Variants in MAP4K4 observed in about 807,000 individuals in gnomAD.
The protein encoded by MAP4K4 is HPK/GCK-like kinase HGK.
MAP4K4 carries 38 observed loss-of-function variants against 189.6 expected under a neutral mutation model. That is an observed-to-expected ratio of 0.20 (90% CI 0.15 to 0.26). MAP4K4 has a LOEUF of 0.26. Among genes scored for constraint, MAP4K4 ranks in the 10% least tolerant of loss-of-function variants. MAP4K4 has a pLI of 1.00. For synonymous variants in MAP4K4, 610 were observed against 624.3 expected (o/e 0.98, Z 0.34); for missense variants, 1,054 against 1,726.9 (o/e 0.61, Z 6.91).
chr2:101,742,678 C>T (rs2063399122), intron 2 of MAP4K4, among the ~76,000 whole-genome samples: 1 of 152,132 alleles, frequency 6.6e-6, no homozygotes, highest in Admixed American at 6.5e-5. Context: ...AGCTGGAGGT[C>T]TTGCTCACAA....
At chr2:101,762,639 C>T (rs539849135) in intron 2 of MAP4K4, among the ~76,000 whole-genome samples, 1 of 152,250 alleles carries the variant, frequency 6.6e-6, no homozygotes, top group Admixed American at 6.5e-5. Flanking sequence ...AGCTCTTTAA[C>T]AAAAGTCTGG....
At chr2:101,811,838 G>A (rs777976844) in intron 3 of MAP4K4, among the ~76,000 whole-genome samples, 7 of 152,146 alleles carry the variant, frequency 4.6e-5, no homozygotes, top group Non-Finnish European at 1.0e-4. Flanking sequence ...GGTAAATTTG[G>A]CAGTTGGTAT....
intron 16 of MAP4K4, among the ~76,000 whole-genome samples, chr2:101,863,400 G>A (rs1411409948): frequency 6.6e-6 from 1 of 152,114 alleles, no homozygotes; most frequent in East Asian, 1.9e-4. Flanking sequence ...GGATGGCTAG[G>A]TAGGTTTGCA....
intron 11 of MAP4K4, 37 bp from the exon 12 acceptor site, chr2:101,844,064 C>T (rs555454666): frequency 1.2e-5 from 18 of 1,448,716 alleles, no homozygotes; most frequent in South Asian, 8.4e-5. Context: ...ACAGTGTGAT[C>T]GGTGCACACC....
chr2:101,880,093 T>G (rs982034589), intron 27 of MAP4K4, among the ~76,000 whole-genome samples: 4 of 152,216 alleles, frequency 2.6e-5, no homozygotes, highest in Non-Finnish European at 5.9e-5. Flanking sequence ...GATCTAAGTT[T>G]CTGATGAGAT....
chr2:101,870,348 T>G (rs368954596), exon 23 of MAP4K4: 6 of 1,613,612 alleles, frequency 3.7e-6, no homozygotes, highest in Non-Finnish European at 5.1e-6. Flanking sequence ...ACCATGATTG[T>G]CCATGATGAT....
intron 2 of MAP4K4, among the ~76,000 whole-genome samples, chr2:101,760,454 A>C (rs1575074793): frequency 1.4e-5 from 2 of 147,034 alleles, no homozygotes; most frequent in African/African-American, 5.0e-5. Flanking sequence ...GTGCCACTGC[A>C]CTCCAGCCTG....
chr2:101,888,048 G>T (rs552946324), intron 31 of MAP4K4, 111 bp downstream of exon 31: 62 of 916,996 alleles, frequency 6.8e-5, no homozygotes, highest in Middle Eastern at 3.0e-4. Context: ...GACTACCATT[G>T]AACAGAGTAG....
intron 2 of MAP4K4, among the ~76,000 whole-genome samples, chr2:101,732,932 A>G (rs958835230): frequency 1.3e-5 from 2 of 152,210 alleles, no homozygotes; most frequent in Non-Finnish European, 1.5e-5. Context: ...AAAGATGGAT[A>G]TGTAGTCTCT....
chr2:101,715,829 A>G (rs2048051808), intron 2 of MAP4K4, among the ~76,000 whole-genome samples: 5 of 152,176 alleles, frequency 3.3e-5, no homozygotes, highest in Admixed American at 1.3e-4. Context: ...GCAGTGGGAA[A>G]GCAATTGAAG....
At chr2:101,804,540 A>G (rs1296074224) in intron 3 of MAP4K4, among the ~76,000 whole-genome samples, 1 of 152,146 alleles carries the variant, frequency 6.6e-6, no homozygotes, top group East Asian at 1.9e-4. Flanking sequence ...AGTCCCCAGC[A>G]TGTCCAGGGG....
intron 6 of MAP4K4, 23 bp from the exon 7 acceptor site, chr2:101,831,698 C>G: frequency 1.3e-6 from 2 of 1,576,092 alleles, no homozygotes; most frequent in Non-Finnish European, 8.6e-7. Flanking sequence ...CTTTCTTTAT[C>G]TGCCTTTTTC....
chr2:101,889,059 G>A (rs2098528610), intron 32 of MAP4K4, 124 bp downstream of exon 32: 7 of 970,974 alleles, frequency 7.2e-6, no homozygotes, highest in Admixed American at 6.4e-5. Context: ...CTTTTTAAAC[G>A]TTGCTTTTTA....
chr2:101,868,874 G>A (rs950572837), intron 21 of MAP4K4, among the ~76,000 whole-genome samples: 3 of 151,702 alleles, frequency 2.0e-5, no homozygotes, highest in Non-Finnish European at 4.4e-5. Flanking sequence ...TAAAATTCTA[G>A]ATCAACAAAT....
intron 25 of MAP4K4, 61 bp from the exon 26 acceptor site, chr2:101,874,021 A>G: frequency 7.1e-7 from 1 of 1,398,610 alleles, no homozygotes; most frequent in East Asian, 2.3e-5. Flanking sequence ...TATACTGGGG[A>G]AGGGAGGCAG....
intron 13 of MAP4K4, among the ~76,000 whole-genome samples, chr2:101,857,285 G>A (rs1486528091): frequency 6.6e-6 from 1 of 151,990 alleles, no homozygotes; most frequent in African/African-American, 2.4e-5. Context: ...GTTTTTCCCT[G>A]TTCTATTGTG....
chr2:101,713,728 C>T (rs2046895225), intron 2 of MAP4K4, among the ~76,000 whole-genome samples: 1 of 150,994 alleles, frequency 6.6e-6, no homozygotes, highest in African/African-American at 2.4e-5. Flanking sequence ...AACCCCGTCT[C>T]TACTAAAAAT....
intron 2 of MAP4K4, among the ~76,000 whole-genome samples, chr2:101,776,443 G>C (rs2084155699): frequency 6.6e-6 from 1 of 151,954 alleles, no homozygotes; most frequent in Non-Finnish European, 1.5e-5. Context: ...TGTTTTCTTG[G>C]GCCTAGTCTA....
At chr2:101,729,038 G>A (rs1056448473) in intron 2 of MAP4K4, among the ~76,000 whole-genome samples, 4 of 150,890 alleles carry the variant, frequency 2.7e-5, no homozygotes, top group African/African-American at 9.8e-5. Context: ...GAAAGCAGAA[G>A]CAACTTAAGA....
Sources: gnomAD v4.1 joint callset for allele counts (sites outside exome capture counted in the v4.1 genomes callset) on GRCh38, gnomAD v4.1.1 for gene constraint, MANE v1.5 for transcripts, NCBI Gene and HGNC (gene_info 2026-07-23, HGNC 2026-07-21) for gene names.